The following ATP2C1 variants were observed in gnomAD, a reference collection of about 807,000 sequenced individuals.
The protein encoded by ATP2C1 is ATPase secretory pathway Ca2+ transporting 1.
In ATP2C1, 31 loss-of-function variants were observed where a neutral mutation model predicts 120.5. The ratio of observed to expected loss-of-function variants is 0.26; its 90% CI spans 0.19 to 0.35. ATP2C1 has a LOEUF of 0.35. Ranked by LOEUF, ATP2C1 falls within the 10% of genes least tolerant of loss-of-function variation. The pLI is 1.00. For synonymous variants in ATP2C1, 351 were observed against 358.7 expected, an observed-to-expected ratio of 0.98 and a Z score of 0.24; for missense variants, 731 against 1,107.5, an observed-to-expected ratio of 0.66 and a Z score of 4.83.
intron 8 of ATP2C1, among the ~76,000 whole-genome samples, chr3:130,947,329 T>G (rs78786937): frequency 0.024 from 3,721 of 152,272 alleles, 55 homozygotes; most frequent in Middle Eastern, 0.054. Context: ...AGGTGTATCG[T>G]TCAGTGGTTT....
chr3:130,891,748 A>T (rs573430455), upstream of ATP2C1, among the ~76,000 whole-genome samples: 24 of 152,320 alleles, frequency 1.6e-4, 1 homozygote, highest in East Asian at 4.2e-3. Flanking sequence ...ATCTTTTGAA[A>T]GAAGGCTAGT....
chr3:130,945,141 G>A (rs912242431), intron 8 of ATP2C1, among the ~76,000 whole-genome samples: 1 of 152,248 alleles, frequency 6.6e-6, no homozygotes, highest in Admixed American at 6.5e-5. Context: ...GGCACTGATG[G>A]AGCTAGGACA....
At chr3:130,890,968 T>C (rs767864158), upstream of ATP2C1, among the ~76,000 whole-genome samples, 13 of 152,122 alleles carry the variant, frequency 8.5e-5, no homozygotes, top group African/African-American at 1.4e-4. Context: ...CCCAAGCACA[T>C]TGGTAGGCCG....
At chr3:130,977,138 A>G (rs566851658) in intron 18 of ATP2C1, among the ~76,000 whole-genome samples, 1 of 152,254 alleles carries the variant, frequency 6.6e-6, no homozygotes, top group South Asian at 2.1e-4. Flanking sequence ...CCTTGCTGCC[A>G]CAAAATTAGG....
At chr3:130,967,603 T>C (rs2061106587) in intron 16 of ATP2C1, among the ~76,000 whole-genome samples, 184 bp downstream of exon 16, 1 of 152,170 alleles carries the variant, frequency 6.6e-6, no homozygotes, top group Non-Finnish European at 1.5e-5. Context: ...TAGACTTTTT[T>C]CAGTATAACT....
chr3:130,996,184 G>A (rs965268552), intron 23 of ATP2C1, 73 bp downstream of exon 23: 1 of 1,083,430 alleles, frequency 9.2e-7, no homozygotes, highest in African/African-American at 1.6e-5. Flanking sequence ...TAAGCAGAAT[G>A]CCTAGAAACT....
rs1253694134 is a variant in ATP2C1, at chr3:130,916,622, CT to C, written c.7-13793del. On this transcript the variant is annotated intron_variant, in intron 2 of 27. Transcript: ENST00000510168. Reference sequence around the variant, plus strand: ...TTCTTTTGCCTTAGCGGGGAAACAGCTGGTACCATTGCAGGCAGAATTCAAG... The same window carrying C: ...TTCTTTTGCCTTAGCGGGGAAACAGCGGTACCATTGCAGGCAGAATTCAAG... Among the ~76,000 whole-genome samples the C allele has an allele frequency of 1.7e-4, 26 of 152,168 alleles. 1 individual carries two copies. Among genetic ancestry groups the C allele is most frequent in the African/African-American group, 6.3e-4 (26 of 41,526 alleles).
intron 1 of ATP2C1, among the ~76,000 whole-genome samples, chr3:130,877,428 A>T (rs1300176986): frequency 6.6e-6 from 1 of 152,234 alleles, no homozygotes; most frequent in African/African-American, 2.4e-5. Flanking sequence ...CCAAGGACTT[A>T]AACAAATTTA....
chr3:130,969,231 T>C (rs2108676249), intron 16 of ATP2C1, 61 bp from the exon 17 acceptor site: 1 of 1,238,016 alleles, frequency 8.1e-7, no homozygotes, highest in East Asian at 2.3e-5. Context: ...CCCTTGTTCT[T>C]TGTTAAAGGA....
intron 6 of ATP2C1, among the ~76,000 whole-genome samples, chr3:130,939,418 A>G (rs1379957346): frequency 6.6e-6 from 1 of 152,180 alleles, no homozygotes; most frequent in African/African-American, 2.4e-5. Flanking sequence ...TATAGTCGTA[A>G]TGAAGTCACC....
At chr3:130,966,163 T>G (rs925043311) in intron 14 of ATP2C1, among the ~76,000 whole-genome samples, 1 of 152,118 alleles carries the variant, frequency 6.6e-6, no homozygotes, top group Non-Finnish European at 1.5e-5. Context: ...CTTGGGTTTA[T>G]TTACGTCCAT....
rs768653419 is a variant in ATP2C1 at position 130,867,462 on chromosome 3, G to GT, written c.108+16543dup. Among the ~76,000 whole-genome samples, 841 of 138,230 alleles carry GT rather than the reference G, an allele frequency of 6.1e-3. 3 individuals carry two copies. Among genetic ancestry groups the GT allele is most frequent in the Middle Eastern group, 0.025 (7 of 282 alleles). The allele number at this position is 138,230 out of a possible 152,430, so 90.7% of individuals were successfully genotyped here. ...GTGCCGCCACGCCTGACTGGTTTTC[G>GT]TTTTTTTTTGGTGGAGACGGGGTTT... On this transcript the variant is annotated intron_variant, in intron 1 of 26. Transcript: ENST00000504381.
chr3:130,992,040 A>G (rs1450049388), intron 20 of ATP2C1, among the ~76,000 whole-genome samples: 1 of 152,228 alleles, frequency 6.6e-6, no homozygotes, highest in Non-Finnish European at 1.5e-5. Flanking sequence ...AGAGAGTGAC[A>G]TGGTAGTGAG....
At chr3:130,899,516 G>T (rs1046897518) in intron 2 of ATP2C1, 15 of 152,084 alleles carry the variant, frequency 9.9e-5, no homozygotes. Flanking sequence ...AGAAAAGGAG[G>T]GGTTGGTCTT....
chr3:130,931,885 T>C, intron 3 of ATP2C1, 137 bp from the exon 4 acceptor site: 1 of 655,800 alleles, frequency 1.5e-6, no homozygotes, highest in Non-Finnish European at 2.7e-6. Context: ...CAACCACTGA[T>C]AGGTTGCTCT....
intron 26 of ATP2C1, chr3:131,014,430 C>A: frequency 6.6e-7 from 1 of 1,516,884 alleles, no homozygotes; most frequent in South Asian, 1.3e-5. Flanking sequence ...AGAAGTAATT[C>A]AGTGCAACAG....
At chr3:130,970,468 T>C (rs2061257831) in intron 17 of ATP2C1, among the ~76,000 whole-genome samples, 1 of 151,310 alleles carries the variant, frequency 6.6e-6, no homozygotes. Context: ...CTCGGGTCAC[T>C]GCAACCTCAA....
At chr3:130,982,502 C>T (rs2061813048) in intron 20 of ATP2C1, among the ~76,000 whole-genome samples, 1 of 152,182 alleles carries the variant, frequency 6.6e-6, no homozygotes, top group Non-Finnish European at 1.5e-5. Context: ...AAGAGGTGGG[C>T]AGCAGTCTTC....
At chr3:130,864,866 T>A (rs1236857600) in intron 1 of ATP2C1, among the ~76,000 whole-genome samples, 5 of 152,132 alleles carry the variant, frequency 3.3e-5, no homozygotes, top group African/African-American at 1.2e-4. Context: ...GGGGTCCTCA[T>A]GGAGAACTTC....
Sources: allele counts gnomAD v4.1 joint callset (sites outside exome capture counted in the v4.1 genomes callset), GRCh38; gene constraint gnomAD v4.1.1; transcripts MANE v1.5; gene names NCBI Gene and HGNC (gene_info 2026-07-23, HGNC 2026-07-21).